The following NIN variants were observed in gnomAD, a reference collection of about 807,000 sequenced individuals.
NIN encodes ninein, also known as glycogen synthase kinase 3 beta-interacting protein.
Under a neutral mutation model 257.6 loss-of-function variants are expected in NIN, and 137 were observed. The ratio of observed to expected loss-of-function variants is 0.53; its 90% CI spans 0.46 to 0.61. NIN has a LOEUF of 0.61. Among genes scored for constraint, NIN ranks in the 20% least tolerant of loss-of-function variants. The probability of loss-of-function intolerance (pLI) is 0.00; values close to 1 mark genes in which losing one functional copy is unlikely to be tolerated. For synonymous variants in NIN, 918 were observed against 919.8 expected, an observed-to-expected ratio of 1.00 and a Z score of 0.04; for missense variants, 2,439 against 2,501.2, an observed-to-expected ratio of 0.98 and a Z score of 0.53.
At chr14:50,730,868 G>C (rs2040657254) in intron 28 of NIN, 1 of 1,274,526 alleles carries the variant, frequency 7.8e-7, no homozygotes, top group African/African-American at 1.5e-5. Context: ...CATGAGCAAG[G>C]GGTTTAATGA....
At position 50,744,336 on chromosome 14, in the gene NIN, G is replaced by C; in HGVS notation, c.5094C>G (p.Phe1698Leu). ...QLHRCPDLSD[F>L]QQKISSVLSY... ...TTAGAACACTAGAGATTTTTTGCTG[G>C]AAGTCAGAGAGATCGGGACATCTGT... Residue 1698 changes from phenylalanine (F) to leucine (L), a missense_variant, in exon 23 of 31, where the codon TTC (phenylalanine) becomes TTG (leucine). Around this residue, in one of 3 missense-constraint regions of NIN, gnomAD observed 2,043 missense variants for 2,050.2 expected, o/e 1.00. Transcript: ENST00000530997. 6.2e-7 allele frequency: 1 copy of C among 1,614,038 alleles called. No homozygotes were observed. Among genetic ancestry groups the C allele is most frequent in the Non-Finnish European group, 8.5e-7 (1 of 1,179,948 alleles).
chr14:50,760,362 G>A lies in NIN; in HGVS notation c.1897-3C>T. On this transcript the variant is annotated splice_region_variant and splice_polypyrimidine_tract_variant and intron_variant, in intron 16 of 30. Coordinates refer to ENST00000530997, the MANE Select transcript of NIN (RefSeq NM_020921.4). ...AGCTGCTTTTCATAATGGCGCACCT[G>A]AAGGCACAGAGTGACACCACCACAA... The A allele has an allele frequency of 6.3e-7, 1 of 1,585,438 alleles. No individual in the cohort carries two copies. Among genetic ancestry groups the A allele is most frequent in the African/African-American group, 1.3e-5 (1 of 74,174 alleles).
chr14:50,731,064 G>A, intron 28 of NIN: 3 of 559,594 alleles, frequency 5.4e-6, no homozygotes, highest in Admixed American at 2.5e-5. Context: ...AATAAAAAGA[G>A]AAAGAACAGT....
chr14:50,761,101 C>G (rs1183850549), intron 16 of NIN, among the ~76,000 whole-genome samples: 3 of 151,858 alleles, frequency 2.0e-5, no homozygotes, highest in East Asian at 3.9e-4. Context: ...ATGGATATGA[C>G]AACTATAAGT....
chr14:50,816,230 G>A (rs962526268), intron 3 of NIN, among the ~76,000 whole-genome samples: 3 of 152,130 alleles, frequency 2.0e-5, no homozygotes, highest in African/African-American at 7.2e-5. Context: ...GGGAGGGAGA[G>A]CATCAGGAAA....
Position 50,758,069 on chromosome 14 carries a change from A to G in NIN, c.2961T>C (p.Leu987=). The G allele has an allele frequency of 1.2e-6, 2 of 1,614,120 alleles. No homozygotes were observed. The highest frequency in any genetic ancestry group is 1.3e-5 in the African/African-American group (1 of 75,006). ...CTTTGTGAATGTTCTCCATGGCTAG[A>G]AGCTTGGACATCATTTCCTGCCTTT... is the stretch of plus-strand genomic sequence containing the variant. ...DQERQEMMSK[L]LAMENIHKAT... The change falls in exon 18 of 31, where the codon CTT becomes CTC. Residue 987 remains leucine, a synonymous_variant. Coordinates refer to ENST00000530997, the MANE Select transcript of NIN (RefSeq NM_020921.4).
chr14:50,802,233 C>T (rs902988981), intron 4 of NIN, among the ~76,000 whole-genome samples: 1 of 152,214 alleles, frequency 6.6e-6, no homozygotes, highest in African/African-American at 2.4e-5. Flanking sequence ...TCCTACATCC[C>T]AATCCATTTT....
intron 12 of NIN, among the ~76,000 whole-genome samples, chr14:50,767,765 C>T (rs543464460): frequency 2.7e-5 from 4 of 148,322 alleles, no homozygotes; most frequent in Admixed American, 6.8e-5. Flanking sequence ...TGCAGTGAGC[C>T]GAGATGGCGC....
At chr14:50,786,005 G>A (rs1031147216) in intron 5 of NIN, among the ~76,000 whole-genome samples, 2 of 152,272 alleles carry the variant, frequency 1.3e-5, no homozygotes, top group South Asian at 4.1e-4. Flanking sequence ...AAGTGCATGC[G>A]GGGGATGACA....
chr14:50,724,564 T>TA (rs752841550), intron 30 of NIN, among the ~76,000 whole-genome samples: 3 of 152,016 alleles, frequency 2.0e-5, no homozygotes, highest in African/African-American at 4.8e-5. Context: ...TTCCTTTCCT[T>TA]AAAAAAACAC....
At chr14:50,815,269 C>T (rs2044835494) in intron 3 of NIN, among the ~76,000 whole-genome samples, 1 of 152,148 alleles carries the variant, frequency 6.6e-6, no homozygotes, top group African/African-American at 2.4e-5. Context: ...GACATTCATG[C>T]AGCCAATAAA....
intron 5 of NIN, among the ~76,000 whole-genome samples, chr14:50,789,634 T>A (rs2043497896): frequency 6.6e-6 from 1 of 152,088 alleles, no homozygotes; most frequent in African/African-American, 2.4e-5. Flanking sequence ...CAGAATTCAT[T>A]ATAAGAGGAA....
Position 50,723,381 on chromosome 14 carries a change from G to T in NIN, c.*82C>A. 3 of 1,238,558 alleles carry T rather than the reference G, an allele frequency of 2.4e-6. No homozygotes were observed. The highest frequency in any genetic ancestry group is 3.4e-6 in the Non-Finnish European group (3 of 872,814). 76.7% of individuals were successfully genotyped at this position (1,238,558 alleles called of 1,614,324 possible). The stretch of plus-strand genomic sequence containing the variant: ...TGTGTTGCTGGCAGTTTTAGGTTAG[G>T]CTTAATTTTAAGTTGAGAACCTACT... On this transcript the variant is annotated 3_prime_UTR_variant, in exon 31 of 31. Coordinates refer to ENST00000530997, the MANE Select transcript of NIN (RefSeq NM_020921.4).
At chr14:50,734,609 T>C (rs1201416347) in intron 28 of NIN, among the ~76,000 whole-genome samples, 1 of 152,188 alleles carries the variant, frequency 6.6e-6, no homozygotes, top group Non-Finnish European at 1.5e-5. Flanking sequence ...AAACTCGGTA[T>C]TCAGAAAGCA....
chr14:50,801,005 A>T (rs2044076718), intron 4 of NIN, among the ~76,000 whole-genome samples: 1 of 149,782 alleles, frequency 6.7e-6, no homozygotes, highest in African/African-American at 2.5e-5. Context: ...GCTGGTCTTG[A>T]ACTCCTGACC....
At chr14:50,731,491 A>ATGCTTGG (rs2040695645) in intron 28 of NIN, among the ~76,000 whole-genome samples, 1 of 145,982 alleles carries the variant, frequency 6.9e-6, no homozygotes, top group South Asian at 2.1e-4. Flanking sequence ...AGATCACACC[A>ATGCTTGG]ATGCACTCCA....
chr14:50,729,476 CA>C, intron 29 of NIN, 46 bp downstream of exon 29: 1 of 1,546,992 alleles, frequency 6.5e-7, no homozygotes, highest in Non-Finnish European at 8.8e-7. Context: ...TTCAAATAAA[CA>C]GGTAAAATTA....
rs1356929043 is a variant in NIN, at chr14:50,759,952, C to T, written c.2304G>A (p.Glu768=). 1.9e-5 allele frequency: 30 copies of T among 1,614,184 alleles called. No individual in the cohort carries two copies. The highest frequency in any genetic ancestry group is 2.5e-5 in the Non-Finnish European group (30 of 1,180,034). Residue 768 remains glutamate, a synonymous_variant, in exon 17 of 31, where the codon GAG becomes GAA. Transcript: ENST00000530997. ...GTTTCTCCACCAGGCTTGTCAGCTG[C>T]TCCTGGTGAAACTGCTCTAGTTCCT... ...LTQELEQFHQ[E]QLTSLVEKHT...
chr14:50,762,186 G>A (rs1371609598), intron 15 of NIN, among the ~76,000 whole-genome samples: 1 of 152,192 alleles, frequency 6.6e-6, no homozygotes, highest in Non-Finnish European at 1.5e-5. Context: ...AGGTGGTGGG[G>A]CGGCGGGGGT....
Sources: allele counts gnomAD v4.1 joint callset (sites outside exome capture counted in the v4.1 genomes callset), GRCh38; gene constraint gnomAD v4.1.1; regional missense constraint gnomAD v4.1.1; transcripts MANE v1.5; gene names NCBI Gene and HGNC (gene_info 2026-07-23, HGNC 2026-07-21).